MCTP1: variants seen among roughly 807,000 people sequenced by gnomAD.
The protein encoded by MCTP1 is multiple C2 and transmembrane domain-containing protein 1.
Under a neutral mutation model 120.6 loss-of-function variants are expected in MCTP1, and 69 were observed. The ratio of observed to expected loss-of-function variants is 0.57; its 90% CI spans 0.47 to 0.70. The LOEUF is 0.70. MCTP1 is among the 30% of genes least tolerant of loss of function. MCTP1 has a pLI of 0.00. For synonymous variants in MCTP1, 529 were observed against 493.1 expected (o/e 1.07, Z -0.96); for missense variants, 1,203 against 1,248.8 (o/e 0.96, Z 0.55).
intron 10 of MCTP1, among the ~76,000 whole-genome samples, chr5:94,897,308 A>G (rs1344280782): frequency 6.7e-6 from 1 of 149,958 alleles, no homozygotes; most frequent in Non-Finnish European, 1.5e-5. Context: ...TCCTGGGCTC[A>G]AGCAATCCAC....
intron 17 of MCTP1, among the ~76,000 whole-genome samples, chr5:94,858,941 T>A (rs1217512083): frequency 1.3e-5 from 2 of 151,710 alleles, no homozygotes. Context: ...CTACAGCTAG[T>A]AGGCTTTGTA....
At chr5:94,722,191 C>T (rs1057110274) in intron 19 of MCTP1, among the ~76,000 whole-genome samples, 3 of 152,068 alleles carry the variant, frequency 2.0e-5, no homozygotes, top group Admixed American at 2.0e-4. Flanking sequence ...ATAGGCATAC[C>T]TTACATATTC....
At chr5:95,268,357 T>C (rs1404402365) in intron 1 of MCTP1, among the ~76,000 whole-genome samples, 5 of 152,178 alleles carry the variant, frequency 3.3e-5, no homozygotes, top group African/African-American at 1.2e-4. Flanking sequence ...CATACATATT[T>C]GGGGTTGGTT....
chr5:95,205,339 A>G (rs1751505958), intron 1 of MCTP1, among the ~76,000 whole-genome samples: 1 of 152,174 alleles, frequency 6.6e-6, no homozygotes, highest in Admixed American at 6.5e-5. Context: ...TATATAAAAA[A>G]TTAACTCAAA....
intron 1 of MCTP1, among the ~76,000 whole-genome samples, chr5:95,019,807 C>G (rs1044861417): frequency 1.3e-5 from 2 of 151,940 alleles, no homozygotes; most frequent in Admixed American, 6.6e-5. Flanking sequence ...GTGTAAAGGA[C>G]AAGAGCGTGA....
intron 1 of MCTP1, among the ~76,000 whole-genome samples, chr5:95,161,400 C>T (rs1212608848): frequency 6.6e-6 from 1 of 151,868 alleles, no homozygotes; most frequent in African/African-American, 2.4e-5. Context: ...GTTGAACTCA[C>T]AGAAGTAGAG....
chr5:94,767,547 T>C (rs953426175), intron 19 of MCTP1, among the ~76,000 whole-genome samples: 4 of 152,092 alleles, frequency 2.6e-5, no homozygotes, highest in Non-Finnish European at 5.9e-5. Context: ...TTAGAACAGA[T>C]AAACAAATTC....
At chr5:94,893,405 T>A (rs1301736066) in intron 11 of MCTP1, among the ~76,000 whole-genome samples, 2 of 152,256 alleles carry the variant, frequency 1.3e-5, no homozygotes, top group African/African-American at 4.8e-5. Context: ...TTTTGGTGGA[T>A]ACCACAGTGT....
At chr5:94,949,146 TAAC>T (rs912559913) in intron 3 of MCTP1, among the ~76,000 whole-genome samples, 3 of 152,158 alleles carry the variant, frequency 2.0e-5, no homozygotes, top group African/African-American at 7.2e-5. Context: ...GCCAAACAAA[TAAC>T]AATTTATATA....
At chr5:94,916,235 A>G (rs548718673) in intron 8 of MCTP1, among the ~76,000 whole-genome samples, 2 of 152,358 alleles carry the variant, frequency 1.3e-5, no homozygotes, top group East Asian at 1.9e-4. Context: ...GGTAAAAGAT[A>G]TAAACATAGG....
chr5:94,769,236 C>T (rs894464986), intron 19 of MCTP1, among the ~76,000 whole-genome samples: 3 of 151,894 alleles, frequency 2.0e-5, no homozygotes, highest in South Asian at 2.1e-4. Flanking sequence ...GGCTGGGAAG[C>T]GGGTGGGGTG....
intron 2 of MCTP1, among the ~76,000 whole-genome samples, chr5:94,964,722 A>G (rs1825182487): frequency 6.6e-6 from 1 of 152,188 alleles, no homozygotes; most frequent in African/African-American, 2.4e-5. Context: ...CTTTCAATCT[A>G]TATGTGTCCT....
chr5:94,889,094 A>AGT, intron 11 of MCTP1, 122 bp from the exon 12 acceptor site: 1 of 596,708 alleles, frequency 1.7e-6, no homozygotes, highest in Non-Finnish European at 2.9e-6. Context: ...GATCAACATT[A>AGT]AACTAACTAA....
chr5:94,839,385 G>A (rs1379709975), intron 17 of MCTP1, among the ~76,000 whole-genome samples: 2 of 152,100 alleles, frequency 1.3e-5, no homozygotes, highest in Non-Finnish European at 2.9e-5. Context: ...AAGCCAATAT[G>A]TAGTATTTTC....
chr5:95,070,948 G>T (rs1479605419), intron 1 of MCTP1, among the ~76,000 whole-genome samples: 2 of 152,124 alleles, frequency 1.3e-5, no homozygotes, highest in Non-Finnish European at 2.9e-5. Flanking sequence ...GCAATGTATT[G>T]GTTCAAGGGA....
intron 1 of MCTP1, among the ~76,000 whole-genome samples, chr5:95,051,290 C>T (rs1287045253): frequency 6.6e-6 from 1 of 152,156 alleles, no homozygotes; most frequent in African/African-American, 2.4e-5. Flanking sequence ...CCAATTCCAT[C>T]CCAGGCCCGA....
intron 10 of MCTP1, among the ~76,000 whole-genome samples, chr5:94,908,298 G>A (rs1291922315): frequency 6.6e-6 from 1 of 151,886 alleles, no homozygotes; most frequent in Non-Finnish European, 1.5e-5. Context: ...AATAGTAAAG[G>A]CTACCTGAAG....
At chr5:94,927,632 CT>C (rs773533604) in intron 6 of MCTP1, among the ~76,000 whole-genome samples, 2 of 152,000 alleles carry the variant, frequency 1.3e-5, no homozygotes, top group South Asian at 2.1e-4. Context: ...TAAATAATGA[CT>C]TTTTTTCATC....
intron 2 of MCTP1, among the ~76,000 whole-genome samples, chr5:95,013,550 G>A (rs1836462684): frequency 6.6e-6 from 1 of 152,080 alleles, no homozygotes; most frequent in African/African-American, 2.4e-5. Context: ...AAATCCTAGG[G>A]CCCTTAAGAA....
Sources: gnomAD v4.1 joint callset for allele counts (sites outside exome capture counted in the v4.1 genomes callset) on GRCh38, gnomAD v4.1.1 for gene constraint, MANE v1.5 for transcripts, NCBI Gene and HGNC (gene_info 2026-07-23, HGNC 2026-07-21) for gene names.